The following ANXA4 variants were observed in gnomAD, a reference collection of about 807,000 sequenced individuals.
ANXA4 encodes 35-beta calcimedin.
In ANXA4, 39 loss-of-function variants were observed where a neutral mutation model predicts 49.8. The ratio of observed to expected loss-of-function variants is 0.78; its 90% CI spans 0.61 to 1.02. The LOEUF is 1.02. Ranked by LOEUF, ANXA4 falls within the 50% of genes least tolerant of loss-of-function variation. The probability of loss-of-function intolerance (pLI) is 0.00; values close to 1 mark genes in which losing one functional copy is unlikely to be tolerated. For synonymous variants in ANXA4, 134 were observed against 152.5 expected (o/e 0.88, Z 0.89); for missense variants, 360 against 410.1 (o/e 0.88, Z 1.05).
At chr2:69,796,681 A>G (rs1672957604) in intron 3 of ANXA4, among the ~76,000 whole-genome samples, 2 of 152,142 alleles carry the variant, frequency 1.3e-5, no homozygotes, top group Admixed American at 1.3e-4. Context: ...GTAGGGGTAG[A>G]AGTGAAGCTG....
chr2:69,668,440 T>G (rs1677024448), intron 2 of ANXA4, among the ~76,000 whole-genome samples: 1 of 152,150 alleles, frequency 6.6e-6, no homozygotes, highest in Non-Finnish European at 1.5e-5. Flanking sequence ...AGTGAGACCC[T>G]GTCTCTACAA....
At chr2:69,675,636 TTC>T (rs1677379793) in intron 2 of ANXA4, among the ~76,000 whole-genome samples, 1 of 152,124 alleles carries the variant, frequency 6.6e-6, no homozygotes, top group Non-Finnish European at 1.5e-5. Context: ...GAATGACAGT[TTC>T]CAGGGGCTGC....
At chr2:69,670,586 G>A (rs1677140658) in intron 2 of ANXA4, among the ~76,000 whole-genome samples, 1 of 152,072 alleles carries the variant, frequency 6.6e-6, no homozygotes, top group Non-Finnish European at 1.5e-5. Flanking sequence ...TAGACAACTG[G>A]CAGAATAGAG....
At chr2:69,731,138 C>G (rs1039983257) in intron 3 of ANXA4, among the ~76,000 whole-genome samples, 3 of 152,182 alleles carry the variant, frequency 2.0e-5, no homozygotes, top group Non-Finnish European at 4.4e-5. Flanking sequence ...AACATAGGGC[C>G]TGGTTCCATC....
At chr2:69,650,693 A>G (rs1372777792) in intron 1 of ANXA4, among the ~76,000 whole-genome samples, 1 of 152,150 alleles carries the variant, frequency 6.6e-6, no homozygotes, top group Non-Finnish European at 1.5e-5. Flanking sequence ...GCCTCAAGCA[A>G]TCCTCCTCCC....
At chr2:69,814,753 T>G (rs1294446605) in intron 8 of ANXA4, 1 of 81,682 alleles carries the variant, frequency 1.2e-5, no homozygotes, top group African/African-American at 1.1e-4. Flanking sequence ...GGTGTGTGTG[T>G]GTGTGTGTGT....
intron 3 of ANXA4, among the ~76,000 whole-genome samples, chr2:69,795,808 G>A (rs1385362428): frequency 1.3e-5 from 2 of 152,190 alleles, no homozygotes; most frequent in Non-Finnish European, 2.9e-5. Context: ...GTAAAGGAGT[G>A]GGGGGACTTT....
chr2:69,655,592 A>G (rs1290569079), intron 2 of ANXA4, among the ~76,000 whole-genome samples: 1 of 152,226 alleles, frequency 6.6e-6, no homozygotes, highest in Non-Finnish European at 1.5e-5. Context: ...AGTGTTAATT[A>G]GTTCTACCAT....
At chr2:69,795,890 A>C (rs1221207353) in intron 3 of ANXA4, among the ~76,000 whole-genome samples, 3 of 152,204 alleles carry the variant, frequency 2.0e-5, no homozygotes, top group African/African-American at 7.2e-5. Flanking sequence ...ATTGGGTTAG[A>C]GTCTTTCCTG....
chr2:69,683,783 G>C (rs569656148), intron 2 of ANXA4, among the ~76,000 whole-genome samples: 26 of 152,310 alleles, frequency 1.7e-4, no homozygotes, highest in African/African-American at 6.3e-4. Context: ...ACAACACTTA[G>C]ATGTGAACAA....
upstream of ANXA4, among the ~76,000 whole-genome samples, chr2:69,740,374 TCTTG>T (rs1267912783): frequency 6.6e-6 from 1 of 152,148 alleles, no homozygotes; most frequent in Non-Finnish European, 1.5e-5. Context: ...GTCTCTCTAA[TCTTG>T]CTTAAGAAAT....
At chr2:69,787,020 C>T (rs568592660) in intron 2 of ANXA4, among the ~76,000 whole-genome samples, 155 of 152,306 alleles carry the variant, frequency 1.0e-3, no homozygotes, top group Non-Finnish European at 1.8e-3. Flanking sequence ...CCACCACATC[C>T]GGCCTGTTTC....
At chr2:69,740,238 C>A (rs1017105848), upstream of ANXA4, among the ~76,000 whole-genome samples, 1 of 151,824 alleles carries the variant, frequency 6.6e-6, no homozygotes, top group Non-Finnish European at 1.5e-5. Flanking sequence ...GACAGGTTTT[C>A]GCCATGTAGC....
intron 2 of ANXA4, among the ~76,000 whole-genome samples, chr2:69,682,794 C>G (rs1677644410): frequency 6.6e-6 from 1 of 152,154 alleles, no homozygotes; most frequent in Admixed American, 6.6e-5. Context: ...CAAGAACATG[C>G]CACTCATGTA....
At chr2:69,781,782 A>C (rs1305062369) in intron 2 of ANXA4, among the ~76,000 whole-genome samples, 1 of 152,200 alleles carries the variant, frequency 6.6e-6, no homozygotes, top group African/African-American at 2.4e-5. Context: ...ATTCAAAGAG[A>C]GAATTCTTTG....
At chr2:69,710,480 G>A (rs936602148) in intron 2 of ANXA4, among the ~76,000 whole-genome samples, 2 of 151,896 alleles carry the variant, frequency 1.3e-5, no homozygotes, top group Non-Finnish European at 2.9e-5. Flanking sequence ...CATCACAATT[G>A]TAAGTAACAT....
intron 2 of ANXA4, among the ~76,000 whole-genome samples, chr2:69,656,359 ATATATATGTG>A (rs1271444009): frequency 5.4e-5 from 7 of 129,274 alleles, no homozygotes; most frequent in African/African-American, 1.3e-4. Flanking sequence ...ATATATGTGT[ATATATATGTG>A]TATATATGTG....
intron 1 of ANXA4, among the ~76,000 whole-genome samples, chr2:69,777,436 A>G (rs1339025291): frequency 6.6e-6 from 1 of 152,186 alleles, no homozygotes; most frequent in Non-Finnish European, 1.5e-5. Context: ...CCTCATTAAC[A>G]TGAACTCAGG....
intron 3 of ANXA4, among the ~76,000 whole-genome samples, chr2:69,789,837 A>G (rs1482050414): frequency 6.6e-6 from 1 of 152,024 alleles, no homozygotes; most frequent in East Asian, 1.9e-4. Flanking sequence ...CTTATCTGGG[A>G]GGGAGAGTTT....
Sources: gnomAD v4.1 joint callset for allele counts (sites outside exome capture counted in the v4.1 genomes callset) on GRCh38, gnomAD v4.1.1 for gene constraint, MANE v1.5 for transcripts, NCBI Gene and HGNC (gene_info 2026-07-23, HGNC 2026-07-21) for gene names.